GPC6: variants seen among roughly 807,000 people sequenced by gnomAD.
GPC6 encodes the protein glypican-6.
A neutral mutation model predicts 55.2 loss-of-function variants in GPC6; 14 were observed. The observed-to-expected ratio is 0.25, with a 90% confidence interval of 0.17 to 0.40. The LOEUF is 0.40. Ranked by LOEUF, GPC6 falls within the 10% of genes least tolerant of loss-of-function variation. The pLI is 1.00. For missense variants in GPC6, 641 were observed against 708.5 expected (o/e 0.90, Z 1.08); for synonymous variants, 278 against 259.6 (o/e 1.07, Z -0.68).
chr13:93,620,870 C>G (rs1042716244), intron 2 of GPC6, among the ~76,000 whole-genome samples: 1 of 152,090 alleles, frequency 6.6e-6, no homozygotes. Context: ...GTACCACCAA[C>G]GAGGCCACAT....
At chr13:94,119,270 G>T (rs956474482) in intron 4 of GPC6, among the ~76,000 whole-genome samples, 7 of 151,956 alleles carry the variant, frequency 4.6e-5, no homozygotes, top group African/African-American at 1.7e-4. Context: ...CAACAATGAA[G>T]TAAAAAGTAA....
intron 1 of GPC6, among the ~76,000 whole-genome samples, chr13:93,294,209 A>G (rs975875786): frequency 5.9e-5 from 9 of 152,226 alleles, no homozygotes; most frequent in Non-Finnish European, 1.0e-4. Context: ...CAAATATTAT[A>G]TATACAATTT....
At chr13:94,368,182 G>A (rs9589975) in intron 6 of GPC6, among the ~76,000 whole-genome samples, 6,472 of 149,398 alleles carry the variant, frequency 0.043, 462 homozygotes, top group African/African-American at 0.15. Flanking sequence ...ACACCACCGC[G>A]AAAATATATG....
chr13:94,064,120 C>T lies in GPC6; in HGVS notation c.877+36226C>T, dbSNP rs924312429. ...CTCAGCTTTCACTCCTACTGTGTTA[C>T]CTCAGCTGCATAACTGAGCTTCTCT... On this transcript the variant is annotated intron_variant, in intron 4 of 8. Transcript: ENST00000377047. Among the ~76,000 whole-genome samples, 6 of 152,148 alleles carry T rather than the reference C, an allele frequency of 3.9e-5. No homozygotes were observed. In the East Asian group the frequency reaches 9.6e-4, roughly 24 times the overall value.
chr13:93,263,070 T>C (rs1274833208), intron 1 of GPC6, among the ~76,000 whole-genome samples: 2 of 152,144 alleles, frequency 1.3e-5, no homozygotes, highest in Non-Finnish European at 2.9e-5. Flanking sequence ...AGAACTGTGA[T>C]GCTACTAATT....
chr13:93,911,263 A>G (rs564469365), intron 3 of GPC6, among the ~76,000 whole-genome samples: 102 of 152,326 alleles, frequency 6.7e-4, no homozygotes, highest in African/African-American at 2.2e-3. Context: ...TCATATATGT[A>G]TCTGCCAGAC....
At chr13:93,603,856 G>C (rs891623147) in intron 2 of GPC6, among the ~76,000 whole-genome samples, 16 of 152,132 alleles carry the variant, frequency 1.1e-4, no homozygotes, top group Non-Finnish European at 8.8e-5. Context: ...GAAGTGAGAA[G>C]AAGAATGCAA....
At chr13:93,735,897 T>A (rs1883983661) in intron 2 of GPC6, among the ~76,000 whole-genome samples, 2 of 152,268 alleles carry the variant, frequency 1.3e-5, no homozygotes, top group African/African-American at 4.8e-5. Context: ...GGTCATATTT[T>A]ACCTGAAGTT....
intron 2 of GPC6, among the ~76,000 whole-genome samples, chr13:93,788,330 C>A (rs1351400653): frequency 1.3e-5 from 2 of 151,946 alleles, no homozygotes; most frequent in Admixed American, 6.6e-5. Context: ...TTTATAGGGG[C>A]CTTTATCTTA....
chr13:93,715,773 G>A (rs1883232266), intron 2 of GPC6, among the ~76,000 whole-genome samples: 1 of 151,498 alleles, frequency 6.6e-6, no homozygotes. Flanking sequence ...AAACTACATT[G>A]GCATATCATG....
At chr13:94,393,639 G>A (rs559107084) in intron 7 of GPC6, among the ~76,000 whole-genome samples, 2 of 152,100 alleles carry the variant, frequency 1.3e-5, no homozygotes, top group South Asian at 2.1e-4. Context: ...AGCCCAGACC[G>A]GCACCCAAGC....
intron 6 of GPC6, among the ~76,000 whole-genome samples, chr13:94,365,967 G>C (rs772176598): frequency 1.3e-5 from 2 of 152,194 alleles, no homozygotes; most frequent in Non-Finnish European, 2.9e-5. Flanking sequence ...TAAACTTGAA[G>C]TGAAATGCTT....
rs570174024 is a variant in GPC6 at position 93,227,336 on chromosome 13, G to C, written c.-121G>C. On this transcript the variant is annotated 5_prime_UTR_variant, in exon 1 of 9. Coordinates refer to ENST00000377047, the MANE Select transcript of GPC6 (RefSeq NM_005708.5). This position sits in a 1 kb window ranked among gnomAD's most constrained non-coding sequence, Gnocchi z 4.3. ...TGCTCGTCCCCTCGGCTGGCAGAAG[G>C]GGGTGACGCTGGGCAGCGGCGAGGA... 43 of 935,092 alleles carry C rather than the reference G, an allele frequency of 4.6e-5. No individual in the cohort carries two copies. In the East Asian group the frequency reaches 6.1e-4, roughly 13 times the overall value. 57.9% of individuals were successfully genotyped at this position (935,092 alleles called of 1,614,324 possible).
chr13:93,518,756 A>T (rs1462712149), intron 1 of GPC6, among the ~76,000 whole-genome samples: 1 of 151,998 alleles, frequency 6.6e-6, no homozygotes, highest in African/African-American at 2.4e-5. Context: ...TGTAATTCTT[A>T]AATATGATTA....
At chr13:94,388,703 T>A (rs1187140012) in intron 7 of GPC6, among the ~76,000 whole-genome samples, 1 of 152,224 alleles carries the variant, frequency 6.6e-6, no homozygotes. Context: ...TGGGTTCTCT[T>A]CCTGGCTTAT....
chr13:93,543,236 A>C (rs1472438109), intron 1 of GPC6, among the ~76,000 whole-genome samples: 1 of 152,092 alleles, frequency 6.6e-6, no homozygotes, highest in Non-Finnish European at 1.5e-5. Flanking sequence ...AGCATGAAGC[A>C]TCGTTGAATT....
chr13:94,005,308 T>C (rs1160019678), intron 3 of GPC6, among the ~76,000 whole-genome samples: 1 of 152,206 alleles, frequency 6.6e-6, no homozygotes, highest in African/African-American at 2.4e-5. Context: ...TTATATCAAT[T>C]GGCATCATAG....
intron 1 of GPC6, among the ~76,000 whole-genome samples, chr13:93,338,535 G>C (rs1880122571): frequency 6.6e-6 from 1 of 152,116 alleles, no homozygotes. Context: ...GAATATAAAA[G>C]TCATTCATCT....
At chr13:94,259,138 A>G (rs1891586149) in intron 4 of GPC6, among the ~76,000 whole-genome samples, 1 of 152,092 alleles carries the variant, frequency 6.6e-6, no homozygotes, top group Non-Finnish European at 1.5e-5. Flanking sequence ...CCTTTCCCAG[A>G]AGCCCCCTTC....
Sources: gnomAD v4.1 joint callset for allele counts (sites outside exome capture counted in the v4.1 genomes callset) on GRCh38, gnomAD v4.1.1 for gene constraint, Gnocchi (gnomAD v3.1) non-coding constraint, MANE v1.5 for transcripts, NCBI Gene and HGNC (gene_info 2026-07-23, HGNC 2026-07-21) for gene names.